The following WWC2 variants were observed in gnomAD, a reference collection of about 807,000 sequenced individuals.
WWC2 encodes WW and C2 domain containing 2, also known as protein WWC2.
WWC2 carries 101 observed loss-of-function variants against 138.5 expected under a neutral mutation model. That is an observed-to-expected ratio of 0.73 (90% CI 0.62 to 0.86). WWC2 has a LOEUF of 0.86. Ranked by LOEUF, WWC2 falls within the 40% of genes least tolerant of loss-of-function variation. The pLI is 0.00. For missense variants in WWC2, 1,420 were observed against 1,419.4 expected, an observed-to-expected ratio of 1.00 and a Z score of -0.01; for synonymous variants, 558 against 538.4, an observed-to-expected ratio of 1.04 and a Z score of -0.50.
chr4:183,271,540 C>A (rs189718028), intron 16 of WWC2, among the ~76,000 whole-genome samples: 12 of 152,170 alleles, frequency 7.9e-5, no homozygotes, highest in Admixed American at 5.2e-4. Context: ...ATGGAAAAAA[C>A]CTTTTAATTT....
intron 5 of WWC2, 98 bp downstream of exon 5, chr4:183,240,360 A>ATTATTAAT: frequency 1.1e-6 from 1 of 909,812 alleles, no homozygotes; most frequent in Non-Finnish European, 1.5e-6. Flanking sequence ...GATTTCTTAA[A>ATTATTAAT]GAAACGTAAA....
At chr4:183,213,377 CTCTT>C (rs1735664000) in intron 4 of WWC2, among the ~76,000 whole-genome samples, 1 of 152,208 alleles carries the variant, frequency 6.6e-6, no homozygotes, top group Non-Finnish European at 1.5e-5. Flanking sequence ...GGAGTAGTAA[CTCTT>C]GAATAAATTA....
intron 2 of WWC2, among the ~76,000 whole-genome samples, chr4:183,204,316 A>G (rs374042380): frequency 7.0e-4 from 106 of 152,326 alleles, no homozygotes; most frequent in African/African-American, 2.4e-3. Flanking sequence ...GAATACCAGG[A>G]TAGGACACCA....
chr4:183,320,318 T>C lies in WWC2; in HGVS notation c.*4589T>C. On this transcript the variant is annotated 3_prime_UTR_variant, in exon 23 of 23. Transcript: ENST00000403733. Reference sequence around the variant, plus strand: ...TTATAACTTATGAAACTCAGAAATATTTCTTCATTGTGTATATAGGAGGAT... The same window carrying C: ...TTATAACTTATGAAACTCAGAAATACTTCTTCATTGTGTATATAGGAGGAT... 1 of 1,126,270 alleles carries C rather than the reference T, an allele frequency of 8.9e-7. No individual in the cohort carries two copies. Among genetic ancestry groups the C allele is most frequent in the Non-Finnish European group, 1.3e-6 (1 of 782,674 alleles). 69.8% of individuals were successfully genotyped at this position (1,126,270 alleles called of 1,614,324 possible).
rs749497876 is a variant in WWC2 at position 183,265,690 on chromosome 4, C to G, written c.2042C>G (p.Pro681Arg). The G allele has an allele frequency of 1.5e-5, 24 of 1,609,324 alleles. No homozygotes were observed. The highest frequency in any genetic ancestry group is 2.0e-5 in the Non-Finnish European group (24 of 1,177,814). ...SGVYEAFVKQ[P>R]SEMEDVTYSE... Reference sequence around the variant, plus strand: ...TCATCTACTCCCTGTCCATATAGACCTAGTGAAATGGAAGATGTCACATAC... The same window carrying G: ...TCATCTACTCCCTGTCCATATAGACGTAGTGAAATGGAAGATGTCACATAC... The change falls in exon 13 of 23, where the codon CCT (proline) becomes CGT (arginine). Residue 681 changes from proline to arginine, a missense_variant and splice_region_variant. By Grantham distance (103) the Pro-to-Arg change is moderately radical. Coordinates refer to ENST00000403733, the MANE Select transcript of WWC2 (RefSeq NM_024949.6).
intron 1 of WWC2, among the ~76,000 whole-genome samples, chr4:183,158,337 A>G (rs1248138490): frequency 6.6e-6 from 1 of 152,108 alleles, no homozygotes; most frequent in Non-Finnish European, 1.5e-5. Context: ...TGGGTGGCTT[A>G]GACAACAGAA....
intron 21 of WWC2, among the ~76,000 whole-genome samples, chr4:183,310,148 T>G (rs937193100): frequency 1.3e-5 from 2 of 152,202 alleles, no homozygotes; most frequent in East Asian, 3.9e-4. Flanking sequence ...CATTATACTT[T>G]TGCCAAAACC....
intron 1 of WWC2, 135 bp from the exon 2 acceptor site, chr4:183,193,464 T>C: frequency 1.4e-6 from 1 of 713,910 alleles, no homozygotes; most frequent in Non-Finnish European, 2.4e-6. Context: ...TATATACATC[T>C]GTATTTTATC....
intron 21 of WWC2, among the ~76,000 whole-genome samples, chr4:183,292,267 T>C (rs2309870): frequency 0.97 from 147,283 of 151,690 alleles, 71,648 homozygotes; most frequent in East Asian, 1. Context: ...CACACACACA[T>C]ACTCCCAGTG....
At chr4:183,264,079 C>T (rs1262876028) in intron 11 of WWC2, among the ~76,000 whole-genome samples, 1 of 152,180 alleles carries the variant, frequency 6.6e-6, no homozygotes, top group Non-Finnish European at 1.5e-5. Context: ...CTTCACCCTT[C>T]ACAAAGGGGG....
intron 1 of WWC2, among the ~76,000 whole-genome samples, chr4:183,111,288 G>A (rs755973066): frequency 1.1e-4 from 16 of 152,134 alleles, no homozygotes; most frequent in Non-Finnish European, 1.8e-4. Flanking sequence ...AGAATACGTT[G>A]CATACTTTAT....
chr4:183,115,790 T>C (rs1732391469), intron 1 of WWC2, among the ~76,000 whole-genome samples: 1 of 152,210 alleles, frequency 6.6e-6, no homozygotes, highest in Admixed American at 6.5e-5. Context: ...TCTCCAATTC[T>C]GTAGGTTACT....
At chr4:183,106,130 C>G (rs938198016) in intron 1 of WWC2, among the ~76,000 whole-genome samples, 5 of 151,836 alleles carry the variant, frequency 3.3e-5, no homozygotes, top group African/African-American at 1.2e-4. Flanking sequence ...ATTATAGGCT[C>G]TCGCCACCAC....
At chr4:183,186,959 TTA>T (rs1734824025) in intron 1 of WWC2, among the ~76,000 whole-genome samples, 1 of 152,172 alleles carries the variant, frequency 6.6e-6, no homozygotes, top group Non-Finnish European at 1.5e-5. Flanking sequence ...GGCTACCTCG[TTA>T]TGTTTCCTGC....
At chr4:183,150,534 T>C (rs1221946712) in intron 1 of WWC2, among the ~76,000 whole-genome samples, 1 of 152,160 alleles carries the variant, frequency 6.6e-6, no homozygotes, top group Non-Finnish European at 1.5e-5. Context: ...AAAAAAGATT[T>C]TAAAAACTAA....
In WWC2 at chr4:183,129,480, A is replaced by G. The variant is rs552467478; in HGVS notation, c.131+29858A>G. On this transcript the variant is annotated intron_variant, in intron 1 of 22. Coordinates refer to ENST00000403733, the MANE Select transcript of WWC2 (RefSeq NM_024949.6). Reference sequence around the variant, plus strand: ...TCTTGTGAAAGAAAGATCAGACCTCATTTATGGGAGATTTAGGACCAGTGG... The same window carrying G: ...TCTTGTGAAAGAAAGATCAGACCTCGTTTATGGGAGATTTAGGACCAGTGG... Among the ~76,000 whole-genome samples the G allele has an allele frequency of 2.3e-4, 35 of 152,318 alleles. 2 individuals carry two copies. The South Asian group carries it at 6.8e-3, about 30-fold the overall frequency.
intron 19 of WWC2, among the ~76,000 whole-genome samples, chr4:183,284,734 T>C (rs1158533906): frequency 6.6e-6 from 1 of 152,236 alleles, no homozygotes; most frequent in Non-Finnish European, 1.5e-5. Flanking sequence ...TGTATATTTC[T>C]GTTCTATATC....
chr4:183,284,118 C>T lies in WWC2; in HGVS notation c.2884-108C>T, dbSNP rs1171019128. 1.5e-5 allele frequency: 21 copies of T among 1,357,448 alleles called. No individual in the cohort carries two copies. In the East Asian group the frequency reaches 3.8e-4, roughly 24 times the overall value. 84.1% of individuals were successfully genotyped at this position (1,357,448 alleles called of 1,614,324 possible). A position where few individuals can be genotyped will look rare whatever the true frequency, so the allele number is the denominator to read the frequency against. On this transcript the variant is annotated intron_variant, in intron 18 of 22. Coordinates refer to ENST00000403733, the MANE Select transcript of WWC2 (RefSeq NM_024949.6). The stretch of plus-strand genomic sequence containing the variant: ...CTTTCTCTTAGGAGTGGCCATAGTG[C>T]TCCATGAGTCTCTGTTGTAACATTA...
At chr4:183,296,058 A>G (rs1374273191) in intron 21 of WWC2, among the ~76,000 whole-genome samples, 2 of 152,240 alleles carry the variant, frequency 1.3e-5, no homozygotes, top group Non-Finnish European at 2.9e-5. Flanking sequence ...CCGCCTAAAA[A>G]TGATGCTGGC....
Sources: allele counts gnomAD v4.1 joint callset (sites outside exome capture counted in the v4.1 genomes callset), GRCh38; gene constraint gnomAD v4.1.1; transcripts MANE v1.5; gene names NCBI Gene and HGNC (gene_info 2026-07-23, HGNC 2026-07-21).